The following BCAS3 variants were observed in gnomAD, a reference collection of about 807,000 sequenced individuals.
The protein encoded by BCAS3 is BCAS4/BCAS3 fusion.
BCAS3 carries 53 observed loss-of-function variants against 116.1 expected under a neutral mutation model. The ratio of observed to expected loss-of-function variants is 0.46; its 90% CI spans 0.37 to 0.57. The LOEUF (loss-of-function observed/expected upper bound fraction) is 0.57, where lower values mean the gene tolerates loss of function less well. BCAS3 is among the 20% of genes least tolerant of loss of function. BCAS3 has a pLI of 0.00. For synonymous variants in BCAS3, 391 were observed against 408.2 expected (o/e 0.96, Z 0.51); for missense variants, 917 against 1,165.4 (o/e 0.79, Z 3.10).
chr17:61,090,584 A>T (rs1368591149), intron 22 of BCAS3, among the ~76,000 whole-genome samples: 2 of 152,218 alleles, frequency 1.3e-5, no homozygotes, highest in East Asian at 3.8e-4. Context: ...AAAAGACCTT[A>T]TTTGCCCATA....
chr17:60,955,509 T>A (rs533732443), intron 14 of BCAS3, among the ~76,000 whole-genome samples: 1 of 151,402 alleles, frequency 6.6e-6, no homozygotes, highest in African/African-American at 2.4e-5. Flanking sequence ...TGCCTCAGCC[T>A]CTGGGATTAC....
intron 5 of BCAS3, among the ~76,000 whole-genome samples, chr17:60,729,141 G>A (rs1476820112): frequency 2.0e-5 from 3 of 152,100 alleles, no homozygotes; most frequent in Non-Finnish European, 1.5e-5. Context: ...CGTCTGTGTT[G>A]TTGCTATATC....
chr17:60,683,940 T>G (rs770160173), intron 2 of BCAS3, 42 bp from the exon 3 acceptor site: 1 of 1,525,958 alleles, frequency 6.6e-7, no homozygotes, highest in South Asian at 1.1e-5. Flanking sequence ...TGTTCTATAT[T>G]AAGCTCTCCT....
intron 7 of BCAS3, among the ~76,000 whole-genome samples, chr17:60,838,962 A>G (rs1285615346): frequency 6.6e-6 from 1 of 152,182 alleles, no homozygotes; most frequent in Admixed American, 6.5e-5. Context: ...CTGGCACTAC[A>G]GGCATATGCC....
chr17:60,764,003 T>C, intron 6 of BCAS3, among the ~76,000 whole-genome samples: 1 of 152,206 alleles, frequency 6.6e-6, no homozygotes, highest in Non-Finnish European at 1.5e-5. Context: ...TATAGTATTC[T>C]CTGATGGTAG....
intron 14 of BCAS3, among the ~76,000 whole-genome samples, chr17:60,963,362 A>G (rs995492389): frequency 6.6e-6 from 1 of 152,132 alleles, no homozygotes; most frequent in Admixed American, 6.5e-5. Context: ...ATCCATAAGC[A>G]TGGAATATCT....
At chr17:60,731,528 G>A (rs1000884923) in intron 5 of BCAS3, among the ~76,000 whole-genome samples, 5 of 152,076 alleles carry the variant, frequency 3.3e-5, no homozygotes, top group Admixed American at 2.0e-4. Context: ...AATGGGTTAC[G>A]TGAGGTGTTT....
At chr17:60,709,051 AATAG>A (rs1256591202) in intron 4 of BCAS3, among the ~76,000 whole-genome samples, 164 bp from the exon 5 acceptor site, 1 of 152,216 alleles carries the variant, frequency 6.6e-6, no homozygotes, top group Non-Finnish European at 1.5e-5. Flanking sequence ...TATATAAGGA[AATAG>A]ATAGCCAGGA....
chr17:61,256,024 G>T lies in BCAS3; in HGVS notation c.2426-112303G>T, dbSNP rs1026137153. ...TTTTCTGAAACTCCGAGTCATAATT[G>T]TACCATATTTATTTTCTGATTTTTT... On this transcript the variant is annotated intron_variant, in intron 22 of 23. Transcript: ENST00000407086. The surrounding 1 kb of genome is among the most constrained non-coding windows in gnomAD (Gnocchi z 5.6). Among the ~76,000 whole-genome samples the T allele has an allele frequency of 2.0e-5, 3 of 152,146 alleles. No homozygotes were observed. The highest frequency in any genetic ancestry group is 7.2e-5 in the African/African-American group (3 of 41,440).
At chr17:61,142,343 T>A (rs2076970168) in intron 22 of BCAS3, among the ~76,000 whole-genome samples, 1 of 152,226 alleles carries the variant, frequency 6.6e-6, no homozygotes, top group Non-Finnish European at 1.5e-5. Flanking sequence ...TGCTAGATGA[T>A]GTGGCCCCAG....
intron 22 of BCAS3, among the ~76,000 whole-genome samples, chr17:61,101,165 C>T (rs1020353193): frequency 6.6e-6 from 1 of 152,152 alleles, no homozygotes; most frequent in Non-Finnish European, 1.5e-5. Context: ...AGACCATTGG[C>T]AAAACCTCTC....
intron 22 of BCAS3, among the ~76,000 whole-genome samples, chr17:61,113,923 G>T (rs1185693814): frequency 9.9e-6 from 1 of 101,488 alleles, no homozygotes; most frequent in African/African-American, 3.6e-5. Context: ...GGGATGCAAG[G>T]CTGGTTCAAT....
chr17:61,237,258 A>T (rs2083133166), intron 22 of BCAS3, among the ~76,000 whole-genome samples: 2 of 152,192 alleles, frequency 1.3e-5, no homozygotes, highest in African/African-American at 4.8e-5. Context: ...GGATTGTAAA[A>T]TGCACCAATC....
intron 22 of BCAS3, among the ~76,000 whole-genome samples, chr17:61,120,587 A>G (rs569607149): frequency 2.8e-4 from 43 of 152,230 alleles, no homozygotes; most frequent in African/African-American, 1.0e-3. Flanking sequence ...TAGTTTTGAC[A>G]CTTAGCAACC....
chr17:60,932,742 C>CAAAAAAA (rs1167994825), intron 13 of BCAS3, among the ~76,000 whole-genome samples: 5 of 38,216 alleles, frequency 1.3e-4, no homozygotes, highest in Non-Finnish European at 2.5e-4. Context: ...ACTCTTGTCT[C>CAAAAAAA]AAAAAAAAAA....
In BCAS3 at chr17:61,040,866, A is replaced by G. The variant is rs950624347; in HGVS notation, c.2003A>G (p.Gln668Arg). Reference sequence around the variant, plus strand: ...CTGCTCCTCGCTGCAGATGCAGTACAGTATTATCAGTTCCTGCTTGCTGGC... The same window carrying G: ...CTGCTCCTCGCTGCAGATGCAGTACGGTATTATCAGTTCCTGCTTGCTGGC... ...HPLLLAADAVQYYQFLLAGLV... is the reference protein window; with the variant it reads ...HPLLLAADAVRYYQFLLAGLV... Residue 668 changes from glutamine (Q) to arginine (R), a missense_variant, in exon 19 of 24, where the codon CAG becomes CGG. Transcript: ENST00000407086. The G allele has an allele frequency of 4.3e-6, 7 of 1,613,894 alleles. No homozygotes were observed. Among genetic ancestry groups the G allele is most frequent in the Non-Finnish European group, 4.2e-6 (5 of 1,179,932 alleles).
rs2057429852 is a variant in BCAS3, at chr17:60,895,210, T to C, written c.738+5439T>C. ...GTCCTGGGCTTGCTTTCTGGGAGAC[T>C]TTATTACCTACTCACTCTCACTACT... On this transcript the variant is annotated intron_variant, in intron 10 of 23. Transcript: ENST00000407086. Among the ~76,000 whole-genome samples, 3 of 152,284 alleles carry C rather than the reference T, an allele frequency of 2.0e-5. 1 individual carries two copies. The highest frequency in any genetic ancestry group is 6.8e-3 in the Middle Eastern group (2 of 294).
chr17:60,899,764 G>A (rs2057756365), intron 10 of BCAS3: 1 of 151,920 alleles, frequency 6.6e-6, no homozygotes, highest in South Asian at 2.1e-4. Flanking sequence ...CCAAAATGCT[G>A]AGGTTACAGG....
rs1191746963 is a variant in BCAS3, at chr17:61,013,561, A to C, written c.1487-2190A>C. Among the ~76,000 whole-genome samples, 1 of 152,032 alleles carries C rather than the reference A, an allele frequency of 6.6e-6. No individual in the cohort carries two copies. The highest frequency in any genetic ancestry group is 1.5e-5 in the Non-Finnish European group (1 of 67,962). ...TGATTTCCCTCTTCATATTTTCTAC[A>C]AGGTTCTGTGTTGTGGCCTAAATCA... On this transcript the variant is annotated intron_variant, in intron 15 of 23. Transcript: ENST00000407086. The surrounding 1 kb of genome is among the most constrained non-coding windows in gnomAD (Gnocchi z 4.4).
Sources: gnomAD v4.1 joint callset for allele counts (sites outside exome capture counted in the v4.1 genomes callset) on GRCh38, gnomAD v4.1.1 for gene constraint, Gnocchi (gnomAD v3.1) non-coding constraint, MANE v1.5 for transcripts, NCBI Gene and HGNC (gene_info 2026-07-23, HGNC 2026-07-21) for gene names.